The following GALNT17 variants were observed in gnomAD, a reference collection of about 807,000 sequenced individuals.
GALNT17 encodes the protein polypeptide N-acetylgalactosaminyltransferase 17.
GALNT17 carries 29 observed loss-of-function variants against 63.7 expected under a neutral mutation model. That is an observed-to-expected ratio of 0.46 (90% CI 0.34 to 0.62). GALNT17 has a LOEUF of 0.62. Ranked by LOEUF, GALNT17 falls within the 20% of genes least tolerant of loss-of-function variation. The pLI is 0.01. For missense variants in GALNT17, 603 were observed against 799.6 expected (o/e 0.75, Z 2.97); for synonymous variants, 305 against 318.3 (o/e 0.96, Z 0.45).
chr7:71,573,222 C>T lies in GALNT17; in HGVS notation c.1080+1820C>T, dbSNP rs112384841. On this transcript the variant is annotated intron_variant, in intron 6 of 10. Transcript: ENST00000333538. ...ATGGGATTTCACCATGTTGACCACA[C>T]TGGTCTTGAACTCCTGACCTTAGCT... is the stretch of plus-strand genomic sequence containing the variant. 9.6e-3 allele frequency among the ~76,000 whole-genome samples: 1,464 copies of T among 152,122 alleles called. 20 individuals carry two copies. The highest frequency in any genetic ancestry group is 0.033 in the African/African-American group (1,377 of 41,512).
At chr7:71,581,526 C>A (rs144642866) in intron 6 of GALNT17, among the ~76,000 whole-genome samples, 47 of 152,226 alleles carry the variant, frequency 3.1e-4, no homozygotes, top group Admixed American at 2.6e-3. Context: ...GGGAAACCAA[C>A]CCCCATGATC....
chr7:71,669,976 C>A lies in GALNT17; in HGVS notation c.1271C>A (p.Pro424Gln). ...YIAWNLPLEN[P>Q]GIDIGDVSER... is the part of the protein sequence containing the mutation. ...TTGGCTTCTCTCTCCTTTCAGAATC[C>A]GGGAATTGACATCGGTGATGTCTCC... Residue 424 changes from proline to glutamine, a missense_variant, in exon 8 of 11, where the codon CCG (proline) becomes CAG (glutamine). This residue lies in a region of GALNT17 where 336 missense variants were observed against 507.8 expected (regional missense o/e 0.66). Transcript: ENST00000333538. 1 of 1,613,970 alleles carries A rather than the reference C, an allele frequency of 6.2e-7. No homozygotes were observed. Among genetic ancestry groups the A allele is most frequent in the Non-Finnish European group, 8.5e-7 (1 of 1,179,968 alleles).
At chr7:71,612,151 T>G (rs1028811795) in intron 6 of GALNT17, among the ~76,000 whole-genome samples, 10 of 152,304 alleles carry the variant, frequency 6.6e-5, no homozygotes, top group African/African-American at 2.2e-4. Flanking sequence ...TTTTTCAAAC[T>G]TAGACTATGA....
intron 1 of GALNT17, among the ~76,000 whole-genome samples, chr7:71,201,241 T>TATA (rs1554338085): frequency 1.2e-4 from 17 of 138,438 alleles, no homozygotes; most frequent in East Asian, 9.0e-4. Context: ...GTGTTTATTT[T>TATA]TATATATATA....
At chr7:71,417,947 G>A (rs902271308) in intron 4 of GALNT17, among the ~76,000 whole-genome samples, 7 of 152,106 alleles carry the variant, frequency 4.6e-5, no homozygotes, top group African/African-American at 1.7e-4. Flanking sequence ...CTCCTAGCTT[G>A]GTTCTTTCTT....
chr7:71,215,351 A>G (rs1294018648), intron 1 of GALNT17, among the ~76,000 whole-genome samples: 3 of 151,974 alleles, frequency 2.0e-5, no homozygotes, highest in Admixed American at 1.3e-4. Context: ...CTGTTTTGTC[A>G]TCTTAAGTTT....
chr7:71,638,987 A>G (rs1790567450), intron 6 of GALNT17, among the ~76,000 whole-genome samples: 1 of 152,162 alleles, frequency 6.6e-6, no homozygotes, highest in African/African-American at 2.4e-5. Context: ...GGTAAAAAAT[A>G]AAAAATAAAA....
intron 7 of GALNT17, among the ~76,000 whole-genome samples, chr7:71,666,719 A>G (rs1790990956): frequency 6.6e-6 from 1 of 152,188 alleles, no homozygotes; most frequent in Admixed American, 6.5e-5. Context: ...CTGTTAATTT[A>G]TTTCTTTTTA....
At chr7:71,242,408 A>G (rs1262972154) in intron 1 of GALNT17, among the ~76,000 whole-genome samples, 1 of 151,334 alleles carries the variant, frequency 6.6e-6, no homozygotes, top group Non-Finnish European at 1.5e-5. Flanking sequence ...AGCTGGGACT[A>G]CAGGCGCCTA....
intron 2 of GALNT17, among the ~76,000 whole-genome samples, chr7:71,342,090 A>G (rs1563017839): frequency 6.6e-6 from 1 of 152,182 alleles, no homozygotes; most frequent in Non-Finnish European, 1.5e-5. Context: ...GTGTTAGGCC[A>G]TTGTGTTGCT....
At chr7:71,562,605 CCGCT>C (rs1789274779) in intron 5 of GALNT17, among the ~76,000 whole-genome samples, 1 of 152,120 alleles carries the variant, frequency 6.6e-6, no homozygotes, top group African/African-American at 2.4e-5. Context: ...GAATCTAATG[CCGCT>C]GCTGCTCTGA....
rs369668179 is a variant in GALNT17, at chr7:71,693,309, C to CATATATAT, written c.1500+16008_1500+16015dup. 3.9e-3 allele frequency among the ~76,000 whole-genome samples: 481 copies of CATATATAT among 124,042 alleles called. 21 individuals are homozygous for CATATATAT. The highest frequency in any genetic ancestry group is 0.013 in the African/African-American group (432 of 34,102). 81.4% of individuals were successfully genotyped at this position (124,042 alleles called of 152,430 possible). On this transcript the variant is annotated intron_variant, in intron 9 of 10. Coordinates refer to ENST00000333538, the MANE Select transcript of GALNT17 (RefSeq NM_022479.3). ...ACACACACACACACACACACACACA[C>CATATATAT]ATATATATATATGGAGACAAGACCA...
chr7:71,497,234 A>T (rs377645739), intron 5 of GALNT17, among the ~76,000 whole-genome samples: 44 of 152,266 alleles, frequency 2.9e-4, no homozygotes, highest in African/African-American at 9.9e-4. Flanking sequence ...GCACTAATCC[A>T]CTAATGCTGC....
intron 1 of GALNT17, among the ~76,000 whole-genome samples, chr7:71,184,939 AC>A (rs1788809310): frequency 1.6e-5 from 1 of 64,124 alleles, no homozygotes; most frequent in African/African-American, 6.5e-5. Flanking sequence ...TCCCTTCCTC[AC>A]TTCCTTCCTT....
chr7:71,288,788 A>C (rs1790925120), intron 1 of GALNT17, among the ~76,000 whole-genome samples: 1 of 152,164 alleles, frequency 6.6e-6, no homozygotes, highest in South Asian at 2.1e-4. Flanking sequence ...GCCCAGCTAG[A>C]GAGTGCAGGA....
chr7:71,480,610 G>A (rs537141232), intron 5 of GALNT17, among the ~76,000 whole-genome samples: 3 of 152,218 alleles, frequency 2.0e-5, no homozygotes, highest in South Asian at 2.1e-4. Flanking sequence ...AGGTTCAAGC[G>A]ATTCACCTGC....
chr7:71,654,751 A>C (rs1327999178), intron 6 of GALNT17, among the ~76,000 whole-genome samples: 2 of 152,168 alleles, frequency 1.3e-5, no homozygotes, highest in African/African-American at 4.8e-5. Context: ...AATAGATCAC[A>C]GGCTTTCACC....
chr7:71,295,559 C>G lies in GALNT17; in HGVS notation c.239-39991C>G, dbSNP rs541518045. ...CTTTCCCTTCCCCTCTCCCTCCTTCCTTTTTCCTTTCCTTTTCCTACCTTC... is the reference window on the plus strand; with the variant it reads ...CTTTCCCTTCCCCTCTCCCTCCTTCGTTTTTCCTTTCCTTTTCCTACCTTC... On this transcript the variant is annotated intron_variant, in intron 1 of 10. Coordinates refer to ENST00000333538, the MANE Select transcript of GALNT17 (RefSeq NM_022479.3). Among the ~76,000 whole-genome samples, 14 of 150,916 alleles carry G rather than the reference C, an allele frequency of 9.3e-5. No individual in the cohort carries two copies. The South Asian group carries it at 2.9e-3, about 32-fold the overall frequency.
At chr7:71,287,789 C>T (rs1022047133) in intron 1 of GALNT17, among the ~76,000 whole-genome samples, 1 of 152,156 alleles carries the variant, frequency 6.6e-6, no homozygotes, top group East Asian at 1.9e-4. Context: ...TGGTGGCTAA[C>T]GCCTGTAATC....
Sources: gnomAD v4.1 joint callset for allele counts (sites outside exome capture counted in the v4.1 genomes callset) on GRCh38, gnomAD v4.1.1 for gene constraint, gnomAD v4.1.1 regional missense constraint, MANE v1.5 for transcripts, NCBI Gene and HGNC (gene_info 2026-07-23, HGNC 2026-07-21) for gene names.